TRRAP: variants seen among roughly 807,000 people sequenced by gnomAD.
TRRAP encodes transformation/transcription domain-associated protein.
Under a neutral mutation model 438.8 loss-of-function variants are expected in TRRAP, and 41 were observed. The observed-to-expected ratio is 0.09, with a 90% CI of 0.07 to 0.12. TRRAP has a LOEUF of 0.12. Ranked by LOEUF, TRRAP falls within the 10% of genes least tolerant of loss-of-function variation. The pLI is 1.00. For missense variants in TRRAP, 3,122 were observed against 5,055.1 expected (o/e 0.62, Z 11.60); for synonymous variants, 1,994 against 1,962.9 (o/e 1.02, Z -0.42).
chr7:98,953,099 T>G, intron 39 of TRRAP, 68 bp from the exon 40 acceptor site: 2 of 1,536,894 alleles, frequency 1.3e-6, no homozygotes, highest in Non-Finnish European at 8.8e-7. Context: ...CTTAAACCTG[T>G]CGTATGACCC....
chr7:98,891,957 T>C (rs781863971), intron 4 of TRRAP, among the ~76,000 whole-genome samples: 4 of 152,228 alleles, frequency 2.6e-5, no homozygotes, highest in Non-Finnish European at 4.4e-5. Flanking sequence ...CTTTTAGTTG[T>C]CAGCTCCACA....
intron 41 of TRRAP, 21 bp downstream of exon 41, chr7:98,955,325 G>C (rs782673725): frequency 6.3e-7 from 1 of 1,589,188 alleles, no homozygotes; most frequent in Non-Finnish European, 8.6e-7. Flanking sequence ...GGGACGGTGG[G>C]CTGCGGGGCG....
intron 12 of TRRAP, 146 bp downstream of exon 12, chr7:98,903,663 T>C: frequency 8.4e-7 from 1 of 1,189,878 alleles, no homozygotes; most frequent in Non-Finnish European, 1.2e-6. Flanking sequence ...CTTTCCCCTC[T>C]TTTCTCTCCC....
chr7:98,895,512 C>A (rs1796158625), intron 6 of TRRAP, among the ~76,000 whole-genome samples: 1 of 152,182 alleles, frequency 6.6e-6, no homozygotes, highest in Non-Finnish European at 1.5e-5. Flanking sequence ...AAGGCAAAAA[C>A]TGGCATTTAT....
rs538519285 is a variant in TRRAP at position 98,984,727 on chromosome 7, T to C, written c.9289-217T>C. On this transcript the variant is annotated intron_variant, in intron 61 of 72. Coordinates refer to ENST00000456197, the MANE Select transcript of TRRAP (RefSeq NM_001375524.1). Reference sequence around the variant, plus strand: ...AAAGCTTTGGAGAAAATAAGACCCCTAAGTATTTAGGATTAAATACTTAAA... The same window carrying C: ...AAAGCTTTGGAGAAAATAAGACCCCCAAGTATTTAGGATTAAATACTTAAA... 3.3e-5 allele frequency among the ~76,000 whole-genome samples: 5 copies of C among 152,338 alleles called. No homozygotes were observed. The South Asian group carries it at 1.0e-3, about 32-fold the overall frequency.
intron 1 of TRRAP, among the ~76,000 whole-genome samples, chr7:98,880,330 C>G (rs1011109907): frequency 3.0e-4 from 44 of 146,414 alleles, no homozygotes; most frequent in Non-Finnish European, 3.0e-5. Flanking sequence ...GTGGCACAAT[C>G]TTGGCTCACT....
chr7:98,918,030 G>T (rs77236332), intron 20 of TRRAP, among the ~76,000 whole-genome samples: 2 of 151,736 alleles, frequency 1.3e-5, no homozygotes, highest in East Asian at 1.9e-4. Context: ...TGAGGCAGGG[G>T]GATCACCTGA....
intron 53 of TRRAP, among the ~76,000 whole-genome samples, chr7:98,972,411 G>A (rs925244710): frequency 3.9e-5 from 6 of 152,284 alleles, no homozygotes; most frequent in African/African-American, 1.2e-4. Flanking sequence ...TGAAAGAAAC[G>A]GTAAAACCGT....
intron 57 of TRRAP, 127 bp downstream of exon 57, chr7:98,978,450 C>A: frequency 2.3e-6 from 2 of 858,450 alleles, no homozygotes; most frequent in Non-Finnish European, 3.6e-6. Flanking sequence ...ACATAAAGAA[C>A]AAATAGAAAC....
intron 28 of TRRAP, among the ~76,000 whole-genome samples, chr7:98,936,061 T>C (rs1188538158): frequency 6.6e-6 from 1 of 152,204 alleles, no homozygotes; most frequent in Non-Finnish European, 1.5e-5. Flanking sequence ...TCTCTAGCTT[T>C]TCACTGGGAA....
Position 99,012,358 on chromosome 7 carries a change from GT to G in TRRAP, c.*4del, listed in dbSNP as rs1402566539. 1.9e-6 allele frequency: 3 copies of G among 1,589,576 alleles called. No homozygotes were observed. The highest frequency in any genetic ancestry group is 2.6e-6 in the Non-Finnish European group (3 of 1,166,916). On this transcript the variant is annotated 3_prime_UTR_variant, in exon 73 of 73. Coordinates refer to ENST00000456197, the MANE Select transcript of TRRAP (RefSeq NM_001375524.1). The surrounding 1 kb of genome is among the most constrained non-coding windows in gnomAD (Gnocchi z 5.9). The stretch of plus-strand genomic sequence containing the variant: ...CCGCCTGGCACCCCTGGCTGTGACT[GT>G]GGCCGCCACGGCCACCCGGAATGTG...
At chr7:98,992,374 G>A (rs1174847649) in intron 65 of TRRAP, 147 bp downstream of exon 65, 2 of 756,002 alleles carry the variant, frequency 2.6e-6, no homozygotes, top group Non-Finnish European at 4.4e-6. Flanking sequence ...AGCACCGTAG[G>A]GCAGGAAGCA....
intron 23 of TRRAP, 87 bp from the exon 24 acceptor site, chr7:98,929,902 A>C (rs1395147968): frequency 3.5e-6 from 5 of 1,425,380 alleles, no homozygotes; most frequent in African/African-American, 2.8e-5. Context: ...CTTTTTATGG[A>C]GTTTCTAACT....
chr7:98,945,399 A>G (rs1791003025), intron 31 of TRRAP, among the ~76,000 whole-genome samples: 1 of 152,158 alleles, frequency 6.6e-6, no homozygotes, highest in Non-Finnish European at 1.5e-5. Context: ...TTAGCCCTTC[A>G]TATAAAATTT....
At chr7:98,888,517 A>G (rs1554404300) in intron 3 of TRRAP, among the ~76,000 whole-genome samples, 1 of 152,210 alleles carries the variant, frequency 6.6e-6, no homozygotes, top group Non-Finnish European at 1.5e-5. Flanking sequence ...AGCCTGGGCG[A>G]CAGAGTGAGA....
rs566904972 is a variant in TRRAP at position 98,947,979 on chromosome 7, G to A, written c.4549-242G>A. The stretch of plus-strand genomic sequence containing the variant: ...AGCACGATCACATCGGGTGTACACC[G>A]TCGGCCCCTCCACACCCCTACAATG... On this transcript the variant is annotated intron_variant, in intron 33 of 72. Transcript: ENST00000456197. 5.9e-5 allele frequency among the ~76,000 whole-genome samples: 9 copies of A among 152,276 alleles called. No individual in the cohort carries two copies. The South Asian group carries it at 1.5e-3, about 25-fold the overall frequency.
At chr7:98,941,357 G>A (rs782310472) in intron 30 of TRRAP, among the ~76,000 whole-genome samples, 5 of 152,222 alleles carry the variant, frequency 3.3e-5, no homozygotes, top group South Asian at 4.2e-4. Context: ...TGCGTTTTTA[G>A]TAGAGACCAG....
Position 98,950,278 on chromosome 7 carries a change from A to G in TRRAP, c.5334+16A>G, listed in dbSNP as rs1791274332. On this transcript the variant is annotated intron_variant, in intron 38 of 72. Coordinates refer to ENST00000456197, the MANE Select transcript of TRRAP (RefSeq NM_001375524.1). Reference sequence around the variant, plus strand: ...AAAAGCTAAAGTGAGTCCCACTCTTATGCTGTAGAAGGGTATGGGTATTTG... The same window carrying G: ...AAAAGCTAAAGTGAGTCCCACTCTTGTGCTGTAGAAGGGTATGGGTATTTG... 1.2e-6 allele frequency: 2 copies of G among 1,613,950 alleles called. No homozygotes were observed. The highest frequency in any genetic ancestry group is 1.7e-6 in the Non-Finnish European group (2 of 1,179,968).
At chr7:98,900,231 C>G (rs1191701500) in intron 10 of TRRAP, among the ~76,000 whole-genome samples, 1 of 152,158 alleles carries the variant, frequency 6.6e-6, no homozygotes, top group Non-Finnish European at 1.5e-5. Flanking sequence ...ATGCACCCTC[C>G]TGACTTGGAG....
Sources: allele counts gnomAD v4.1 joint callset (sites outside exome capture counted in the v4.1 genomes callset), GRCh38; gene constraint gnomAD v4.1.1; non-coding constraint Gnocchi (gnomAD v3.1); transcripts MANE v1.5; gene names NCBI Gene and HGNC (gene_info 2026-07-23, HGNC 2026-07-21).